POMGNT1: variants seen among roughly 807,000 people sequenced by gnomAD.
The protein encoded by POMGNT1 is protein O-linked-mannose beta-1,2-N-acetylglucosaminyltransferase 1.
A neutral mutation model predicts 95.6 loss-of-function variants in POMGNT1; 67 were observed. The ratio of observed to expected loss-of-function variants is 0.70; its 90% CI spans 0.58 to 0.86. POMGNT1 has a LOEUF of 0.86. Among genes scored for constraint, POMGNT1 ranks in the 40% least tolerant of loss-of-function variants. The probability of loss-of-function intolerance (pLI) is 0.00; values close to 1 mark genes in which losing one functional copy is unlikely to be tolerated. For synonymous variants in POMGNT1, 298 were observed against 317.9 expected (o/e 0.94, Z 0.66); for missense variants, 719 against 855.2 (o/e 0.84, Z 1.99).
chr1:46,204,912 G>A (rs916385975), intron 1 of POMGNT1, among the ~76,000 whole-genome samples: 1 of 152,198 alleles, frequency 6.6e-6, no homozygotes, highest in Non-Finnish European at 1.5e-5. Context: ...TTTACATGAT[G>A]CTCTCTTCAT....
Position 46,193,157 on chromosome 1 carries a change from G to A in POMGNT1, c.1152+17C>T, listed in dbSNP as rs772780776. Reference sequence around the variant, plus strand: ...TTCCCCCCTCCCAGGCCCAAGAGTTGTATCCTTAGTACTCACCGGAAACAG... The same window carrying A: ...TTCCCCCCTCCCAGGCCCAAGAGTTATATCCTTAGTACTCACCGGAAACAG... On this transcript the variant is annotated intron_variant, in intron 13 of 21. Coordinates refer to ENST00000371984, the MANE Select transcript of POMGNT1 (RefSeq NM_017739.4). 1.9e-6 allele frequency: 3 copies of A among 1,613,980 alleles called. No homozygotes were observed. Among genetic ancestry groups the A allele is most frequent in the South Asian group, 1.1e-5 (1 of 91,058 alleles).
intron 1 of POMGNT1, among the ~76,000 whole-genome samples, chr1:46,217,581 C>T (rs989756561): frequency 6.6e-6 from 1 of 151,986 alleles, no homozygotes; most frequent in African/African-American, 2.4e-5. Context: ...CCTGCCTGGG[C>T]GTGGTGGTTC....
At chr1:46,208,337 C>A (rs916986478) in intron 1 of POMGNT1, among the ~76,000 whole-genome samples, 1 of 152,184 alleles carries the variant, frequency 6.6e-6, no homozygotes, top group Non-Finnish European at 1.5e-5. Context: ...TTATCTTACC[C>A]ACTAGATTAT....
At chr1:46,190,657 C>A in intron 18 of POMGNT1, 63 bp downstream of exon 18, 2 of 1,553,284 alleles carry the variant, frequency 1.3e-6, no homozygotes, top group Non-Finnish European at 1.8e-6. Context: ...TTGGAAGGGA[C>A]TTTCAGGGAC....
At position 46,192,501 on chromosome 1, in the gene POMGNT1, T is replaced by C. The variant is rs1204785715; in HGVS notation, c.1284+17A>G. On this transcript the variant is annotated intron_variant, in intron 15 of 21. Transcript: ENST00000371984. The stretch of plus-strand genomic sequence containing the variant: ...CCTCATAAACTCGCCTGCTAAACCC[T>C]GGTCATTCCAGCCTACCTGGTCATT... 1.9e-6 allele frequency: 3 copies of C among 1,614,118 alleles called. No homozygotes were observed. The highest frequency in any genetic ancestry group is 2.5e-6 in the Non-Finnish European group (3 of 1,180,002).
chr1:46,198,804 G>A (rs1658442887), upstream of POMGNT1, among the ~76,000 whole-genome samples: 1 of 152,236 alleles, frequency 6.6e-6, no homozygotes, highest in Admixed American at 6.5e-5. Flanking sequence ...GGGCAAGGCC[G>A]TTACCTAGTC....
At chr1:46,190,924 C>T (rs1360746376) in intron 17 of POMGNT1, 140 bp from the exon 18 acceptor site, 8 of 800,864 alleles carry the variant, frequency 1.0e-5, no homozygotes, top group Non-Finnish European at 1.7e-5. Context: ...CCGTCTTCTC[C>T]ATCCTCTTTG....
At chr1:46,190,265 C>T (rs1451848773) in intron 19 of POMGNT1, 4 of 718,250 alleles carry the variant, frequency 5.6e-6, no homozygotes, top group South Asian at 1.6e-5. Context: ...AGGATGGTCT[C>T]GATCTCCTGA....
intron 1 of POMGNT1, among the ~76,000 whole-genome samples, chr1:46,207,084 A>AT (rs56059506): frequency 0.052 from 7,490 of 143,822 alleles, 190 homozygotes; most frequent in Non-Finnish European, 0.052. Flanking sequence ...GAGTCCTTCT[A>AT]TTTTTTTTTT....
chr1:46,191,888 C>T (rs1467775168), intron 17 of POMGNT1: 6 of 644,488 alleles, frequency 9.3e-6, no homozygotes, highest in South Asian at 7.1e-5. Flanking sequence ...CCCGCATCGG[C>T]CTCCCAAAGT....
intron 16 of POMGNT1, 25 bp downstream of exon 16, chr1:46,192,283 C>T: frequency 1.2e-6 from 2 of 1,614,120 alleles, no homozygotes; most frequent in Non-Finnish European, 8.5e-7. Flanking sequence ...GGACTCCAGC[C>T]CCCTCACCCT....
intron 1 of POMGNT1, among the ~76,000 whole-genome samples, chr1:46,213,107 A>G (rs1265855609): frequency 1.3e-5 from 2 of 152,090 alleles, no homozygotes; most frequent in Non-Finnish European, 2.9e-5. Flanking sequence ...GTGTGTATAT[A>G]TGCACATATA....
chr1:46,198,190 A>C (rs1571673559), intron 1 of POMGNT1, 146 bp downstream of exon 1: 2 of 256,558 alleles, frequency 7.8e-6, no homozygotes, highest in East Asian at 1.0e-4. Flanking sequence ...GCAAAGAGCG[A>C]CCTCTCCTGC....
chr1:46,208,234 C>T (rs149876597), intron 1 of POMGNT1, among the ~76,000 whole-genome samples: 102 of 152,172 alleles, frequency 6.7e-4, no homozygotes, highest in African/African-American at 2.3e-3. Flanking sequence ...CTCAAGCAGT[C>T]CGTTTGTGTC....
chr1:46,211,150 T>C (rs1407110706), intron 1 of POMGNT1, among the ~76,000 whole-genome samples: 1 of 152,104 alleles, frequency 6.6e-6, no homozygotes, highest in African/African-American at 2.4e-5. Context: ...CAAAATGTTA[T>C]TGGACAAAAA....
At position 46,209,852 on chromosome 1, in the gene POMGNT1, A is replaced by T. The variant is rs548268608; in HGVS notation, c.-51+9853T>A. 1.3e-4 allele frequency among the ~76,000 whole-genome samples: 20 copies of T among 152,214 alleles called. 1 individual carries two copies. In the South Asian group the frequency reaches 4.1e-3, roughly 32 times the overall value. On this transcript the variant is annotated intron_variant, in intron 1 of 22. Coordinates refer to the POMGNT1 transcript ENST00000371992. The stretch of plus-strand genomic sequence containing the variant: ...GAAAGAGGAAGGAAGGGAGGGATGG[A>T]GGGAGGCAGAAAGGAAGGAAAGGAG...
At chr1:46,200,941 G>A (rs1658515872), upstream of POMGNT1, among the ~76,000 whole-genome samples, 1 of 151,636 alleles carries the variant, frequency 6.6e-6, no homozygotes, top group African/African-American at 2.4e-5. Context: ...GATCCGCCTG[G>A]CCAACATGGT....
At chr1:46,203,219 G>A (rs1268768649), upstream of POMGNT1, 2 of 391,388 alleles carry the variant, frequency 5.1e-6, no homozygotes, top group Middle Eastern at 6.5e-4. Context: ...ACGCAATCCA[G>A]GGCCAGAGGT....
At position 46,188,802 on chromosome 1, in the gene POMGNT1, T is replaced by C; in HGVS notation, c.*468A>G. 6.2e-7 allele frequency: 1 copy of C among 1,612,870 alleles called. No individual in the cohort carries two copies. ...CTAAGGGTCTCTGAGTGAGTCTGTGTCAGCATGTGGGCCCCAGCTGGGCCT... is the reference window on the plus strand; with the variant it reads ...CTAAGGGTCTCTGAGTGAGTCTGTGCCAGCATGTGGGCCCCAGCTGGGCCT... On this transcript the variant is annotated 3_prime_UTR_variant, in exon 22 of 22. Coordinates refer to ENST00000371984, the MANE Select transcript of POMGNT1 (RefSeq NM_017739.4).
Sources: allele counts gnomAD v4.1 joint callset (sites outside exome capture counted in the v4.1 genomes callset), GRCh38; gene constraint gnomAD v4.1.1; transcripts MANE v1.5; gene names NCBI Gene and HGNC (gene_info 2026-07-23, HGNC 2026-07-21).